The following SLC24A3 variants were observed in gnomAD, a reference collection of about 807,000 sequenced individuals.
The protein encoded by SLC24A3 is solute carrier family 24 member 3.
SLC24A3 carries 28 observed loss-of-function variants against 75.8 expected under a neutral mutation model. The ratio of observed to expected loss-of-function variants is 0.37; its 90% CI spans 0.27 to 0.51. SLC24A3 has a LOEUF of 0.51. SLC24A3 is among the 20% of genes least tolerant of loss of function. The probability of loss-of-function intolerance (pLI) is 0.94; values close to 1 mark genes in which losing one functional copy is unlikely to be tolerated. For missense variants in SLC24A3, 663 were observed against 847.8 expected, an observed-to-expected ratio of 0.78 and a Z score of 2.71; for synonymous variants, 372 against 334.1, an observed-to-expected ratio of 1.11 and a Z score of -1.24.
rs371511969 is a variant in SLC24A3 at position 19,290,933 on chromosome 20, T to G, written c.271+9846T>G. ...CACTCTATCTTGGAGACCACGGGTT[T>G]TGTTTCTAAGCTTTCTTGCCCTGGG... is the stretch of plus-strand genomic sequence containing the variant. On this transcript the variant is annotated intron_variant, in intron 2 of 16. Transcript: ENST00000328041. 6.6e-5 allele frequency among the ~76,000 whole-genome samples: 10 copies of G among 152,350 alleles called. No individual in the cohort carries two copies. In the East Asian group the frequency reaches 1.5e-3, roughly 24 times the overall value.
chr20:19,239,923 T>C (rs910293508), intron 1 of SLC24A3, among the ~76,000 whole-genome samples: 1 of 152,134 alleles, frequency 6.6e-6, no homozygotes, highest in Non-Finnish European at 1.5e-5. Flanking sequence ...TGGGACCCCA[T>C]GGTCTGTGGA....
At position 19,552,139 on chromosome 20, in the gene SLC24A3, T is replaced by C. The variant is rs541284932; in HGVS notation, c.349-27861T>C. On this transcript the variant is annotated intron_variant, in intron 3 of 16. Transcript: ENST00000328041. ...CATTGTTAGTACGTTCCTAGAAGTA[T>C]TTCTGTCCCCTTAAAAAATGTGAAA... Among the ~76,000 whole-genome samples, 23 of 152,360 alleles carry C rather than the reference T, an allele frequency of 1.5e-4. No homozygotes were observed. In the South Asian group the frequency reaches 1.7e-3, roughly 11 times the overall value.
chr20:19,682,840 C>T (rs116710565), intron 10 of SLC24A3, among the ~76,000 whole-genome samples: 272 of 152,218 alleles, frequency 1.8e-3, no homozygotes, highest in African/African-American at 6.2e-3. Context: ...TGTATTCAGT[C>T]GAGTCTTACA....
intron 2 of SLC24A3, among the ~76,000 whole-genome samples, chr20:19,491,889 A>G (rs1379078765): frequency 1.3e-5 from 2 of 152,076 alleles, no homozygotes; most frequent in Non-Finnish European, 2.9e-5. Flanking sequence ...TGGGCTTGCA[A>G]ACACCTTCCT....
At chr20:19,703,868 G>A (rs752252192) in intron 15 of SLC24A3, among the ~76,000 whole-genome samples, 34 of 152,154 alleles carry the variant, frequency 2.2e-4, no homozygotes, top group Non-Finnish European at 4.4e-4. Flanking sequence ...TCACAGAGGG[G>A]GTTACAGGGG....
intron 1 of SLC24A3, among the ~76,000 whole-genome samples, chr20:19,216,836 A>C (rs1600378581): frequency 6.6e-6 from 1 of 152,016 alleles, no homozygotes; most frequent in Non-Finnish European, 1.5e-5. Context: ...TTGGGTCAGG[A>C]ATTTGGATGG....
chr20:19,559,384 C>T (rs1013065379), intron 3 of SLC24A3, among the ~76,000 whole-genome samples: 1 of 152,130 alleles, frequency 6.6e-6, no homozygotes, highest in African/African-American at 2.4e-5. Flanking sequence ...ATAGCTTGTG[C>T]TTATTTTCTC....
At chr20:19,612,825 G>A (rs180958294) in intron 6 of SLC24A3, among the ~76,000 whole-genome samples, 180 of 152,132 alleles carry the variant, frequency 1.2e-3, no homozygotes, top group African/African-American at 4.1e-3. Flanking sequence ...ACTCAGAATC[G>A]TGTCAGAAGG....
At chr20:19,560,394 C>T (rs2122609778) in intron 3 of SLC24A3, among the ~76,000 whole-genome samples, 1 of 152,336 alleles carries the variant, frequency 6.6e-6, no homozygotes, top group East Asian at 1.9e-4. Flanking sequence ...TTTCAGGGTG[C>T]TCCGCACATG....
chr20:19,279,370 G>C (rs1364737208), intron 1 of SLC24A3, among the ~76,000 whole-genome samples: 2 of 152,148 alleles, frequency 1.3e-5, no homozygotes, highest in Non-Finnish European at 2.9e-5. Context: ...CAAGCCCCTG[G>C]GAAGAGCCAC....
At chr20:19,283,587 A>G (rs1002869410) in intron 2 of SLC24A3, among the ~76,000 whole-genome samples, 3 of 152,146 alleles carry the variant, frequency 2.0e-5, no homozygotes, top group Admixed American at 1.3e-4. Flanking sequence ...TTCCAGCCCA[A>G]TTGCAAACAT....
intron 7 of SLC24A3, among the ~76,000 whole-genome samples, chr20:19,661,181 G>C (rs1006376432): frequency 3.9e-5 from 6 of 152,110 alleles, no homozygotes; most frequent in Non-Finnish European, 8.8e-5. Flanking sequence ...TATATCCTCA[G>C]TACTTGCCCT....
At chr20:19,269,540 G>A (rs1443000634) in intron 1 of SLC24A3, among the ~76,000 whole-genome samples, 2 of 152,204 alleles carry the variant, frequency 1.3e-5, no homozygotes, top group Admixed American at 6.5e-5. Flanking sequence ...CCATTAAATT[G>A]TGGGTGCACC....
At chr20:19,401,883 G>A (rs1986557693) in intron 2 of SLC24A3, among the ~76,000 whole-genome samples, 1 of 152,214 alleles carries the variant, frequency 6.6e-6, no homozygotes, top group African/African-American at 2.4e-5. Context: ...TTGAGCTCCA[G>A]TTGTCTACAG....
chr20:19,364,447 A>G (rs1217260178), intron 2 of SLC24A3, among the ~76,000 whole-genome samples: 3 of 151,214 alleles, frequency 2.0e-5, no homozygotes, highest in African/African-American at 7.4e-5. Context: ...AGGTTCCTCA[A>G]GAACAGTTAA....
rs1568589959 is a variant in SLC24A3, at chr20:19,325,840, G to GAGAGAGAGA, written c.271+44753_271+44754insAGAGAGAGA. 4.6e-4 allele frequency among the ~76,000 whole-genome samples: 20 copies of GAGAGAGAGA among 43,180 alleles called. 3 individuals carry two copies. Among genetic ancestry groups the GAGAGAGAGA allele is most frequent in the South Asian group, 7.4e-4 (1 of 1,352 alleles). The allele number at this position is 43,180 out of a possible 152,430, so 28.3% of individuals were successfully genotyped here. On this transcript the variant is annotated intron_variant, in intron 2 of 16. Transcript: ENST00000328041. ...GAGAGAGAGAGAGAGAGAGAGAGAG[G>GAGAGAGAGA]GAGACATCTGGAGGAGGGGGACCCA...
At chr20:19,483,236 C>T (rs1002598830) in intron 2 of SLC24A3, among the ~76,000 whole-genome samples, 2 of 152,152 alleles carry the variant, frequency 1.3e-5, no homozygotes, top group African/African-American at 4.8e-5. Context: ...TTCCTCCTAC[C>T]CACCCTATCC....
At chr20:19,359,234 T>G (rs1320084149) in intron 2 of SLC24A3, among the ~76,000 whole-genome samples, 1 of 152,246 alleles carries the variant, frequency 6.6e-6, no homozygotes, top group Non-Finnish European at 1.5e-5. Flanking sequence ...GTGTTTTTCT[T>G]GATGAACTGT....
chr20:19,579,085 A>G (rs1330432246), intron 3 of SLC24A3, among the ~76,000 whole-genome samples: 1 of 152,182 alleles, frequency 6.6e-6, no homozygotes, highest in African/African-American at 2.4e-5. Flanking sequence ...GCTAAGGAAT[A>G]CTACATACTG....
Sources: allele counts gnomAD v4.1 joint callset (sites outside exome capture counted in the v4.1 genomes callset), GRCh38; gene constraint gnomAD v4.1.1; transcripts MANE v1.5; gene names NCBI Gene and HGNC (gene_info 2026-07-23, HGNC 2026-07-21).